BRD4: variants seen among roughly 807,000 people sequenced by gnomAD.
The protein encoded by BRD4 is bromodomain-containing protein 4.
Under a neutral mutation model 142.1 loss-of-function variants are expected in BRD4, and 16 were observed. That is an observed-to-expected ratio of 0.11 (90% CI 0.08 to 0.17). The LOEUF (loss-of-function observed/expected upper bound fraction) is 0.17, where lower values mean the gene tolerates loss of function less well. BRD4 is among the 10% of genes least tolerant of loss of function. The pLI is 1.00. For missense variants in BRD4, 1,424 were observed against 1,810.9 expected, an observed-to-expected ratio of 0.79 and a Z score of 3.88; for synonymous variants, 833 against 707.5, an observed-to-expected ratio of 1.18 and a Z score of -2.82.
chr19:15,319,429 G>A (rs775688842), intron 1 of BRD4, among the ~76,000 whole-genome samples: 2 of 152,068 alleles, frequency 1.3e-5, no homozygotes, highest in African/African-American at 2.4e-5. Flanking sequence ...CTCCAGCCTG[G>A]ATGACAAAGT....
Position 15,258,952 on chromosome 19 carries a change from C to T in BRD4, c.1342-1779G>A, listed in dbSNP as rs1350500056. 3.9e-5 allele frequency among the ~76,000 whole-genome samples: 6 copies of T among 152,332 alleles called. 1 individual carries two copies. The highest frequency in any genetic ancestry group is 9.6e-5 in the African/African-American group (4 of 41,586). ...GGTCTGAGACAAGGAAGAAGATACA[C>T]AACAAGGGACGACCAGAGGCCATCA... On this transcript the variant is annotated intron_variant, in intron 7 of 19. Coordinates refer to ENST00000679869, the MANE Select transcript of BRD4 (RefSeq NM_001379291.1).
chr19:15,242,883 G>A lies in BRD4; in HGVS notation c.3169+17C>T, dbSNP rs369615550. On this transcript the variant is annotated intron_variant, in intron 14 of 19. Transcript: ENST00000679869. ...CAGCACCAGCCTCCCCAGAGTCTAC[G>A]GGTGAGGACCACTTACCGGTTGAGT... 1.1e-4 allele frequency: 181 copies of A among 1,598,582 alleles called. No individual in the cohort carries two copies. The highest frequency in any genetic ancestry group is 3.1e-4 in the Admixed American group (18 of 57,896).
intron 1 of BRD4, among the ~76,000 whole-genome samples, chr19:15,307,871 T>C (rs1399783949): frequency 6.6e-6 from 1 of 152,024 alleles, no homozygotes; most frequent in African/African-American, 2.4e-5. Flanking sequence ...TCCCAGCATT[T>C]TGGGAGGCCC....
rs1284715883 is a variant in BRD4 at position 15,244,610 on chromosome 19, G to A, written c.2212-10C>T. On this transcript the variant is annotated splice_polypyrimidine_tract_variant and intron_variant, in intron 12 of 19. Coordinates refer to ENST00000679869, the MANE Select transcript of BRD4 (RefSeq NM_001379291.1). ...GGTGGTGATGATGGTGCTGCAGACA[G>A]AGAGACAGACAGACAGACAGGCTGA... 2.5e-6 allele frequency: 4 copies of A among 1,613,072 alleles called. No individual in the cohort carries two copies. Among genetic ancestry groups the A allele is most frequent in the South Asian group, 1.1e-5 (1 of 91,080 alleles).
chr19:15,264,738 T>C lies in BRD4; in HGVS notation c.878A>G (p.Asp293Gly), dbSNP rs2047513529. ...KTKKGVKRKA[D>G]TTTPTTIDPI... Reference sequence around the variant, plus strand: ...GTCAATGGTGGTGGGGGTGGTGGTGTCTGCTTTCCTCTTCACTCCCTTCTT... The same window carrying C: ...GTCAATGGTGGTGGGGGTGGTGGTGCCTGCTTTCCTCTTCACTCCCTTCTT... The change falls in exon 6 of 20, where the codon GAC (aspartate) becomes GGC (glycine). Residue 293 changes from aspartate to glycine, a missense_variant. Physicochemically the swap from Asp to Gly is moderately conservative, Grantham distance 94. Transcript: ENST00000679869. 1 of 1,608,176 alleles carries C rather than the reference T, an allele frequency of 6.2e-7. No individual in the cohort carries two copies. Among genetic ancestry groups the C allele is most frequent in the Admixed American group, 1.7e-5 (1 of 59,836 alleles).
intron 1 of BRD4, among the ~76,000 whole-genome samples, chr19:15,306,046 G>C (rs930953503): frequency 2.0e-5 from 3 of 152,094 alleles, no homozygotes; most frequent in Non-Finnish European, 2.9e-5. Flanking sequence ...GAGTTACTAC[G>C]GCCTTGCTAG....
chr19:15,298,620 C>CAA lies in BRD4; in HGVS notation c.-34-25489_-34-25488dup, dbSNP rs57719337. ...TGGGCAACAGGGCGAGACTCCAACT[C>CAA]AAAAAAAAAAAAAAAAAAAAAAAAA... is the stretch of plus-strand genomic sequence containing the variant. On this transcript the variant is annotated intron_variant, in intron 1 of 19. Transcript: ENST00000679869. 4.8e-4 allele frequency among the ~76,000 whole-genome samples: 32 copies of CAA among 66,002 alleles called. 2 individuals are homozygous for CAA. Among genetic ancestry groups the CAA allele is most frequent in the Non-Finnish European group, 6.9e-4 (25 of 36,302 alleles). The allele number at this position is 66,002 out of a possible 152,430, so 43.3% of individuals were successfully genotyped here.
intron 6 of BRD4, chr19:15,264,111 A>C: frequency 5.2e-5 from 18 of 344,576 alleles, no homozygotes; most frequent in East Asian, 1.5e-4. Context: ...CTGTGTGGGC[A>C]AGGTACCTGG....
At chr19:15,262,158 G>A (rs2047478358) in intron 7 of BRD4, among the ~76,000 whole-genome samples, 1 of 152,128 alleles carries the variant, frequency 6.6e-6, no homozygotes, top group African/African-American at 2.4e-5. Context: ...GAGAACTAGT[G>A]CAGCTGGGAG....
At chr19:15,298,620 CAAAAAAAAAAAAAAAAAAA>C (rs57719337) in intron 1 of BRD4, among the ~76,000 whole-genome samples, 32 of 66,032 alleles carry the variant, frequency 4.8e-4, no homozygotes, top group Non-Finnish European at 6.3e-4. Flanking sequence ...GACTCCAACT[CAAAAAAAAAAAAAAAAAAA>C]AAAAAAAAAA....
intron 1 of BRD4, among the ~76,000 whole-genome samples, chr19:15,322,109 C>A (rs181917633): frequency 6.6e-6 from 1 of 152,110 alleles, no homozygotes; most frequent in African/African-American, 2.4e-5. Flanking sequence ...CATGACCCCC[C>A]CATAAGAAAC....
intron 1 of BRD4, among the ~76,000 whole-genome samples, chr19:15,281,287 C>T (rs2047702262): frequency 6.6e-6 from 1 of 152,154 alleles, no homozygotes. Context: ...GTACCCCAGA[C>T]CCTGCAACTT....
intron 14 of BRD4, among the ~76,000 whole-genome samples, chr19:15,241,852 G>A (rs2047240533): frequency 7.9e-6 from 1 of 126,420 alleles, no homozygotes; most frequent in Non-Finnish European, 1.6e-5. Context: ...TCCATCTGTT[G>A]CCCAGACTGG....
intron 6 of BRD4, 152 bp from the exon 7 acceptor site, chr19:15,263,700 C>T: frequency 1.0e-6 from 1 of 998,746 alleles, no homozygotes; most frequent in Admixed American, 2.4e-5. Flanking sequence ...GGCCATCACC[C>T]CAGTTCTCAG....
intron 14 of BRD4, among the ~76,000 whole-genome samples, chr19:15,241,123 C>G (rs575752772): frequency 2.5e-4 from 38 of 152,376 alleles, no homozygotes; most frequent in African/African-American, 8.9e-4. Context: ...ATCCTGTCCC[C>G]GCAGCCCACT....
chr19:15,293,642 A>C (rs1293499948), intron 1 of BRD4, among the ~76,000 whole-genome samples: 1 of 152,190 alleles, frequency 6.6e-6, no homozygotes, highest in East Asian at 1.9e-4. Flanking sequence ...CTATATTTTA[A>C]ATGTTTATTG....
intron 11 of BRD4, chr19:15,253,718 C>T (rs750111835): frequency 8.1e-6 from 13 of 1,598,316 alleles, no homozygotes; most frequent in Admixed American, 1.7e-5. Flanking sequence ...CTGAAGCGGC[C>T]GCACTGCACG....
intron 1 of BRD4, among the ~76,000 whole-genome samples, chr19:15,330,449 T>A (rs1378978226): frequency 6.6e-6 from 1 of 152,064 alleles, no homozygotes. Context: ...CCCACCCAAA[T>A]TAAACCGAAA....
At chr19:15,316,961 C>G (rs1006796948) in intron 1 of BRD4, among the ~76,000 whole-genome samples, 1 of 152,248 alleles carries the variant, frequency 6.6e-6, no homozygotes, top group African/African-American at 2.4e-5. Flanking sequence ...CCCTCTCAGG[C>G]TGCCTTGCCT....
Sources: gnomAD v4.1 joint callset for allele counts (sites outside exome capture counted in the v4.1 genomes callset) on GRCh38, gnomAD v4.1.1 for gene constraint, MANE v1.5 for transcripts, NCBI Gene and HGNC (gene_info 2026-07-23, HGNC 2026-07-21) for gene names.